Variants in TOP3B observed in about 807,000 individuals in gnomAD.
TOP3B encodes the protein DNA topoisomerase III beta, also known as DNA topoisomerase 3-beta-1.
A neutral mutation model predicts 93.9 loss-of-function variants in TOP3B; 45 were observed. The ratio of observed to expected loss-of-function variants is 0.48; its 90% CI spans 0.38 to 0.61. TOP3B has a LOEUF of 0.61. TOP3B is among the 20% of genes least tolerant of loss of function. The pLI is 0.00. For missense variants in TOP3B, 750 were observed against 1,156.1 expected (o/e 0.65, Z 5.09); for synonymous variants, 357 against 472.6 (o/e 0.76, Z 3.17).
chr22:21,979,664 G>A (rs1243060044), intron 1 of TOP3B, among the ~76,000 whole-genome samples: 4 of 150,022 alleles, frequency 2.7e-5, no homozygotes, highest in Non-Finnish European at 5.9e-5. Context: ...TTCTCTGGCC[G>A]GGCGCGGTGG....
Position 21,958,665 on chromosome 22 carries a change from T to C in TOP3B, c.1934A>G (p.His645Arg), listed in dbSNP as rs978941212. 3.7e-6 allele frequency: 6 copies of C among 1,608,942 alleles called. No homozygotes were observed. Among genetic ancestry groups the C allele is most frequent in the Non-Finnish European group, 5.1e-6 (6 of 1,177,298 alleles). ...GGGGAGCGTGTAGGTCTCATCGCAG[T>C]GGGAGCAGTGCAGGCGGCTTGGCTT... ...QAKPSRLHCS[H>R]CDETYTLPQN... Residue 645 changes from histidine (H) to arginine (R), a missense_variant, in exon 17 of 18, where the codon CAC (histidine) becomes CGC (arginine). Transcript: ENST00000357179.
In TOP3B at chr22:21,958,693, C is replaced by T. The variant is rs2145825106; in HGVS notation, c.1906G>A (p.Ala636Thr). Reference sequence around the variant, plus strand: ...GAGCAGTGCAGGCGGCTTGGCTTGGCCTGCGGCAATGCCAGGCAGGTGGCG... The same window carrying T: ...GAGCAGTGCAGGCGGCTTGGCTTGGTCTGCGGCAATGCCAGGCAGGTGGCG... ...KCHRFMKYIQAKPSRLHCSHC... is the reference protein window; with the variant it reads ...KCHRFMKYIQTKPSRLHCSHC... Residue 636 changes from alanine (A) to threonine (T), a missense_variant and splice_region_variant, in exon 17 of 18, where the codon GCC (alanine) becomes ACC (threonine). Around this residue, in one of 4 missense-constraint regions of TOP3B, gnomAD observed 737 missense variants for 933.7 expected, o/e 0.79. Transcript: ENST00000357179. 4 of 1,593,190 alleles carry T rather than the reference C, an allele frequency of 2.5e-6. No individual in the cohort carries two copies. Among genetic ancestry groups the T allele is most frequent in the East Asian group, 2.3e-5 (1 of 44,350 alleles).
intron 2 of TOP3B, 37 bp downstream of exon 2, chr22:21,975,603 C>T (rs779483402): frequency 1.1e-5 from 17 of 1,570,194 alleles, no homozygotes; most frequent in Admixed American, 1.1e-4. Context: ...CATAAACGAC[C>T]GTGCTTACAG....
chr22:21,972,808 A>C, intron 3 of TOP3B, 90 bp from the exon 4 acceptor site: 1 of 1,051,116 alleles, frequency 9.5e-7, no homozygotes, highest in Non-Finnish European at 1.5e-6. Context: ...CATCCCACAA[A>C]TGAGGAGGGG....
In TOP3B at chr22:21,971,056, T is replaced by A; in HGVS notation, c.385-650A>T. Reference sequence around the variant, plus strand: ...GCTTCCTTACTGGGAATAAGTGGCTTCATTTCTGAAGGGAGAAAGCCCCAT... The same window carrying A: ...GCTTCCTTACTGGGAATAAGTGGCTACATTTCTGAAGGGAGAAAGCCCCAT... On this transcript the variant is annotated intron_variant, in intron 5 of 17. Transcript: ENST00000357179. The surrounding 1 kb of genome is among the most constrained non-coding windows in gnomAD (Gnocchi z 4.6). 7.7e-7 allele frequency: 1 copy of A among 1,303,048 alleles called. No individual in the cohort carries two copies. The highest frequency in any genetic ancestry group is 1.0e-6 in the Non-Finnish European group (1 of 988,174). 80.7% of individuals were successfully genotyped at this position (1,303,048 alleles called of 1,614,324 possible).
intron 1 of TOP3B, among the ~76,000 whole-genome samples, chr22:21,981,222 C>A (rs776773180): frequency 2.0e-5 from 3 of 152,222 alleles, no homozygotes; most frequent in Non-Finnish European, 4.4e-5. Flanking sequence ...CCAGGCAGTC[C>A]TGCCAGCATC....
At chr22:21,968,285 G>A in intron 7 of TOP3B, 1 of 282,534 alleles carries the variant, frequency 3.5e-6, no homozygotes. Flanking sequence ...AGGGTTCTAG[G>A]AATTTTAAAA....
intron 4 of TOP3B, 147 bp downstream of exon 4, chr22:21,972,465 G>A: frequency 1.6e-6 from 1 of 609,290 alleles, no homozygotes; most frequent in Non-Finnish European, 2.8e-6. Context: ...GGTGCCTCGT[G>A]GGCCAGCAGG....
intron 9 of TOP3B, chr22:21,965,010 A>AG (rs765772561): frequency 3.4e-5 from 11 of 326,174 alleles, no homozygotes; most frequent in Admixed American, 4.9e-5. Flanking sequence ...GATGAGGCTG[A>AG]GGGGCGACGT....
chr22:21,966,669 CTT>C (rs2071426405), intron 8 of TOP3B: 1 of 152,316 alleles, frequency 6.6e-6, no homozygotes, highest in South Asian at 2.1e-4. Flanking sequence ...AGAGACAACT[CTT>C]TGTTTTGCCT....
At chr22:21,964,563 C>T (rs1020422806) in intron 9 of TOP3B, 7 of 556,544 alleles carry the variant, frequency 1.3e-5, no homozygotes, top group Admixed American at 3.1e-5. Context: ...TGATGGGAAA[C>T]GCCACTCACT....
intron 1 of TOP3B, chr22:21,977,700 G>C (rs1349144606): frequency 6.6e-6 from 1 of 152,182 alleles, no homozygotes; most frequent in African/African-American, 2.4e-5. Context: ...AGGGCATGGG[G>C]AAGTTAAATG....
At chr22:21,959,080 G>C in intron 16 of TOP3B, 52 bp downstream of exon 16, 1 of 1,595,932 alleles carries the variant, frequency 6.3e-7, no homozygotes, top group Non-Finnish European at 8.6e-7. Context: ...CGATAAAGCT[G>C]AGGCCTACAG....
intron 14 of TOP3B, chr22:21,960,016 A>G (rs943184230): frequency 1.6e-6 from 1 of 615,076 alleles, no homozygotes; most frequent in Non-Finnish European, 2.8e-6. Flanking sequence ...CCCTTGGGCC[A>G]GTTTTGTGCT....
intron 7 of TOP3B, 42 bp downstream of exon 7, chr22:21,968,577 A>G: frequency 6.2e-7 from 1 of 1,609,294 alleles, no homozygotes; most frequent in African/African-American, 1.3e-5. Context: ...TCCATGCCCC[A>G]AACCCAGAAA....
chr22:21,963,670 A>C lies in TOP3B; in HGVS notation c.1204+253T>G. 2.0e-6 allele frequency: 1 copy of C among 510,632 alleles called. No homozygotes were observed. Among genetic ancestry groups the C allele is most frequent in the Non-Finnish European group, 3.5e-6 (1 of 285,484 alleles). The allele number at this position is 510,632 out of a possible 1,614,324, so 31.6% of individuals were successfully genotyped here. A position where few individuals can be genotyped will look rare whatever the true frequency, so the allele number is the denominator to read the frequency against. On this transcript the variant is annotated intron_variant, in intron 11 of 17. Transcript: ENST00000357179. This position sits in a 1 kb window ranked among gnomAD's most constrained non-coding sequence, Gnocchi z 4.8. ...CCCCTCCCCCACACCGCCACTCTCT[A>C]CCCTGGTTTCATTCATGTCCCCTGT... is the stretch of plus-strand genomic sequence containing the variant.
Position 21,959,225 on chromosome 22 carries a change from A to T in TOP3B, c.1812T>A (p.Asp604Glu), listed in dbSNP as rs372155085. 5.0e-6 allele frequency: 8 copies of T among 1,612,586 alleles called. No homozygotes were observed. The highest frequency in any genetic ancestry group is 6.8e-6 in the Non-Finnish European group (8 of 1,179,948). ...HYFVDSIAGM[D>E]ELMEVSFSPL... ...GCGAGAAAGACACCTCCATCAACTC[A>T]TCCATGCCTGCGGGCAAGCAGAGTG... The change falls in exon 16 of 18, where the codon GAT becomes GAA. Residue 604 changes from aspartate (D) to glutamate (E), a missense_variant. Physicochemically the swap from Asp to Glu is conservative, Grantham distance 45. This residue lies in a region of TOP3B where 737 missense variants were observed against 933.7 expected (regional missense o/e 0.79). Coordinates refer to ENST00000357179, the MANE Select transcript of TOP3B (RefSeq NM_001282112.2).
At position 21,963,060 on chromosome 22, in the gene TOP3B, G is replaced by A. The variant is rs780900857; in HGVS notation, c.1205-167C>T. 1.4e-4 allele frequency: 112 copies of A among 788,690 alleles called. 1 individual carries two copies. Among genetic ancestry groups the A allele is most frequent in the Middle Eastern group, 3.4e-4 (1 of 2,940 alleles). 48.9% of individuals were successfully genotyped at this position (788,690 alleles called of 1,614,324 possible). Reference sequence around the variant, plus strand: ...AAGAAAATGTGCAGGAAGGCCGGGCGTGGTGGCTCATGCCTGTAATCCTAG... The same window carrying A: ...AAGAAAATGTGCAGGAAGGCCGGGCATGGTGGCTCATGCCTGTAATCCTAG... On this transcript the variant is annotated intron_variant, in intron 11 of 17. Coordinates refer to ENST00000357179, the MANE Select transcript of TOP3B (RefSeq NM_001282112.2). The surrounding 1 kb of genome is among the most constrained non-coding windows in gnomAD (Gnocchi z 4.8).
intron 4 of TOP3B, 134 bp downstream of exon 4, chr22:21,972,478 G>A (rs974368793): frequency 6.2e-6 from 4 of 647,086 alleles, no homozygotes; most frequent in Non-Finnish European, 1.0e-5. Context: ...CCAGCAGGGG[G>A]CACTCACAGA....
Sources: allele counts gnomAD v4.1 joint callset (sites outside exome capture counted in the v4.1 genomes callset), GRCh38; gene constraint gnomAD v4.1.1; regional missense constraint gnomAD v4.1.1; non-coding constraint Gnocchi (gnomAD v3.1); transcripts MANE v1.5; gene names NCBI Gene and HGNC (gene_info 2026-07-23, HGNC 2026-07-21).